The following ZBTB14 variants were observed in gnomAD, a reference collection of about 807,000 sequenced individuals.
ZBTB14 encodes the protein zinc finger and BTB domain containing 14, also known as zinc finger and BTB domain-containing protein 14.
Under a neutral mutation model 29.5 loss-of-function variants are expected in ZBTB14, and 8 were observed. That is an observed-to-expected ratio of 0.27 (90% CI 0.16 to 0.49). The LOEUF is 0.49. Ranked by LOEUF, ZBTB14 falls within the 20% of genes least tolerant of loss-of-function variation. ZBTB14 has a pLI of 0.99. For synonymous variants in ZBTB14, 226 were observed against 207.2 expected (o/e 1.09, Z -0.78); for missense variants, 333 against 563.8 (o/e 0.59, Z 4.15).
chr18:5,296,024 T>C (rs2071954990), upstream of ZBTB14: 1 of 150,968 alleles, frequency 6.6e-6, no homozygotes, highest in African/African-American at 2.4e-5. Context: ...ACAGAATGTC[T>C]AGCCGGCCGT....
rs980113509 is a variant in ZBTB14 at position 5,290,028 on chromosome 18, T to C, written c.*830A>G. The C allele has an allele frequency of 6.6e-6, 1 of 152,218 alleles. No individual in the cohort carries two copies. The highest frequency in any genetic ancestry group is 1.5e-5 in the Non-Finnish European group (1 of 68,046). 9.4% of individuals were successfully genotyped at this position (152,218 alleles called of 1,614,324 possible). A position where few individuals can be genotyped will look rare whatever the true frequency, so the allele number is the denominator to read the frequency against. On this transcript the variant is annotated 3_prime_UTR_variant, in exon 4 of 4. Coordinates refer to ENST00000651870, the MANE Select transcript of ZBTB14 (RefSeq NM_001243702.2). ...GATTTTAATCTAGGAAATCTTGGGA[T>C]TGTTACACATGTAAAAAACCTTATC...
At chr18:5,295,086 G>A (rs530216906) in intron 1 of ZBTB14, among the ~76,000 whole-genome samples, 1 of 151,236 alleles carries the variant, frequency 6.6e-6, no homozygotes, top group Non-Finnish European at 1.5e-5. Context: ...TCGAGCGCAG[G>A]CTTGGGACCG....
upstream of ZBTB14, among the ~76,000 whole-genome samples, chr18:5,296,753 C>T (rs1567911528): frequency 6.6e-6 from 1 of 151,770 alleles, no homozygotes. Flanking sequence ...CATAGGGCTT[C>T]GGAGCTAGTA....
At position 5,291,272 on chromosome 18, in the gene ZBTB14, T is replaced by C; in HGVS notation, c.936A>G (p.Lys312=). Residue 312 remains lysine (K), a synonymous_variant, in exon 4 of 4, where the codon AAA becomes AAG. Coordinates refer to ENST00000651870, the MANE Select transcript of ZBTB14 (RefSeq NM_001243702.2). The surrounding 1 kb of genome is among the most constrained non-coding windows in gnomAD (Gnocchi z 5.8). The stretch of plus-strand genomic sequence containing the variant: ...TCAGGTGGGCCTGTGTGGTGAAACC[T>C]TTTGTGCACATTTCACAAACAAATG... ...DRPFVCEMCT[K]GFTTQAHLKE... is the part of the protein sequence containing the mutation. 1.2e-6 allele frequency: 2 copies of C among 1,614,268 alleles called. No homozygotes were observed. The highest frequency in any genetic ancestry group is 1.7e-6 in the Non-Finnish European group (2 of 1,180,056).
In ZBTB14 at chr18:5,291,538, C is replaced by T; in HGVS notation, c.670G>A (p.Glu224Lys). 1 of 1,614,124 alleles carries T rather than the reference C, an allele frequency of 6.2e-7. No homozygotes were observed. The highest frequency in any genetic ancestry group is 2.2e-5 in the East Asian group (1 of 44,872). ...NCYGQEVESM[E>K]TPESKDLGSQ... is the part of the protein sequence containing the mutation. Reference sequence around the variant, plus strand: ...CCCAAGTCTTTTGATTCTGGGGTCTCCATGGATTCTACTTCCTGGCCGTAG... The same window carrying T: ...CCCAAGTCTTTTGATTCTGGGGTCTTCATGGATTCTACTTCCTGGCCGTAG... The change falls in exon 4 of 4, where the codon GAG (glutamate) becomes AAG (lysine). Residue 224 changes from glutamate to lysine, a missense_variant. Glu to Lys is a moderately conservative substitution (Grantham distance 56, BLOSUM62 1). Coordinates refer to ENST00000651870, the MANE Select transcript of ZBTB14 (RefSeq NM_001243702.2). This position sits in a 1 kb window ranked among gnomAD's most constrained non-coding sequence, Gnocchi z 5.8.
At position 5,290,731 on chromosome 18, in the gene ZBTB14, G is replaced by T; in HGVS notation, c.*127C>A. The T allele has an allele frequency of 7.1e-7, 1 of 1,408,398 alleles. No individual in the cohort carries two copies. The highest frequency in any genetic ancestry group is 9.6e-7 in the Non-Finnish European group (1 of 1,043,878). The allele number at this position is 1,408,398 out of a possible 1,614,324, so 87.2% of individuals were successfully genotyped here. A position where few individuals can be genotyped will look rare whatever the true frequency, so the allele number is the denominator to read the frequency against. Reference sequence around the variant, plus strand: ...TCTTAAAAATAGCTAACCAAGCACTGCCTTAAGTCCAGTGAGTACAATGTT... The same window carrying T: ...TCTTAAAAATAGCTAACCAAGCACTTCCTTAAGTCCAGTGAGTACAATGTT... On this transcript the variant is annotated 3_prime_UTR_variant, in exon 4 of 4. Transcript: ENST00000651870.
At chr18:5,293,702 G>C (rs914633132) in intron 2 of ZBTB14, 1 of 154,938 alleles carries the variant, frequency 6.5e-6, no homozygotes, top group Non-Finnish European at 1.4e-5. Context: ...TTTCCCGCTG[G>C]GTATGTTAGC....
intron 2 of ZBTB14, 137 bp from the exon 3 acceptor site, chr18:5,293,464 G>A (rs2071865603): frequency 7.1e-6 from 4 of 560,088 alleles, no homozygotes; most frequent in Admixed American, 3.1e-5. Context: ...GTGGCAGGTA[G>A]GTAGCTGGTA....
upstream of ZBTB14, chr18:5,296,282 G>A (rs2071964597): frequency 6.6e-6 from 1 of 150,710 alleles, no homozygotes; most frequent in Non-Finnish European, 1.5e-5. Flanking sequence ...GGGAGAAGGA[G>A]TGGGCGGGGC....
In ZBTB14 at chr18:5,291,679, T is replaced by A. The variant is rs1354981323; in HGVS notation, c.529A>T (p.Thr177Ser). The part of the protein sequence containing the change: ...GDQDDSPSDD[T>S]VEGTPPSQED... The stretch of plus-strand genomic sequence containing the variant: ...TGACTCGGGGGTGTGCCTTCTACTG[T>A]GTCATCAGAAGGACTGTCATCCTGA... Residue 177 changes from threonine to serine, a missense_variant, in exon 4 of 4, where the codon ACA becomes TCA. Coordinates refer to ENST00000651870, the MANE Select transcript of ZBTB14 (RefSeq NM_001243702.2). The surrounding 1 kb of genome is among the most constrained non-coding windows in gnomAD (Gnocchi z 5.8). The A allele has an allele frequency of 4.3e-6, 7 of 1,613,998 alleles. No individual in the cohort carries two copies.
At position 5,289,719 on chromosome 18, in the gene ZBTB14, T is replaced by C. The variant is rs1031670436; in HGVS notation, c.*1139A>G. 1 of 152,650 alleles carries C rather than the reference T, an allele frequency of 6.6e-6. No individual in the cohort carries two copies. The highest frequency in any genetic ancestry group is 6.5e-5 in the Admixed American group (1 of 15,294). The allele number at this position is 152,650 out of a possible 1,614,324, so 9.5% of individuals were successfully genotyped here. On this transcript the variant is annotated 3_prime_UTR_variant, in exon 4 of 4. Transcript: ENST00000651870. ...TATTTGTTAAAAACAGTCTGATGTT[T>C]GTTGCTGATGGAAGTTATTTTAATC...
At position 5,290,682 on chromosome 18, in the gene ZBTB14, G is replaced by A; in HGVS notation, c.*176C>T. ...ACAGTGAAACGGTTTGGTCAGAACT[G>A]AGGAACACCATTTCCTTGAAAAGTC... is the stretch of plus-strand genomic sequence containing the variant. On this transcript the variant is annotated 3_prime_UTR_variant, in exon 4 of 4. Transcript: ENST00000651870. The A allele has an allele frequency of 1.0e-6, 1 of 958,616 alleles. No individual in the cohort carries two copies. Among genetic ancestry groups the A allele is most frequent in the African/African-American group, 1.6e-5 (1 of 60,670 alleles). 59.4% of individuals were successfully genotyped at this position (958,616 alleles called of 1,614,324 possible).
intron 3 of ZBTB14, among the ~76,000 whole-genome samples, chr18:5,292,913 G>T (rs1426900725): frequency 6.6e-6 from 1 of 152,124 alleles, no homozygotes; most frequent in South Asian, 2.1e-4. Context: ...TGACATTTGG[G>T]AAGTGGCTTT....
intron 1 of ZBTB14, 150 bp downstream of exon 1, chr18:5,295,502 G>C (rs1253205554): frequency 6.9e-6 from 1 of 144,704 alleles, no homozygotes. Context: ...GAGCGGGGGC[G>C]GCCATGAACT....
chr18:5,294,739 C>T lies in ZBTB14; in HGVS notation c.-111-738G>A, dbSNP rs190669762. 540 of 152,432 alleles carry T rather than the reference C, an allele frequency of 3.5e-3. 4 individuals carry two copies. The highest frequency in any genetic ancestry group is 5.6e-3 in the South Asian group (27 of 4,824). The allele number at this position is 152,432 out of a possible 1,614,324, so 9.4% of individuals were successfully genotyped here. On this transcript the variant is annotated intron_variant, in intron 1 of 3. Transcript: ENST00000651870. ...CCCTTCCTAATTGCTCTCCAAACTG[C>T]GGGCGCGCTAAGCCGCGTTACAGTG...
At chr18:5,292,985 G>A (rs2071851488) in intron 3 of ZBTB14, among the ~76,000 whole-genome samples, 1 of 152,208 alleles carries the variant, frequency 6.6e-6, no homozygotes, top group African/African-American at 2.4e-5. Flanking sequence ...CCAGATGTAA[G>A]TACTTGATAA....
chr18:5,294,988 G>A (rs2071913093), intron 1 of ZBTB14, among the ~76,000 whole-genome samples: 1 of 152,082 alleles, frequency 6.6e-6, no homozygotes, highest in Admixed American at 6.5e-5. Flanking sequence ...GGGGAGTGGA[G>A]GAGGCCGTTT....
At position 5,290,867 on chromosome 18, in the gene ZBTB14, G is replaced by A; in HGVS notation, c.1341C>T (p.Ala447=). The stretch of plus-strand genomic sequence containing the variant: ...CCCTGTCCCACCGCCTCTAGCTACA[G>A]GCTATCGTCTCCAGCTGCTGTTCTG... ...AEAEQQLETI[A]CS Residue 447 remains alanine (A), a synonymous_variant, in exon 4 of 4, where the codon GCC becomes GCT. Coordinates refer to ENST00000651870, the MANE Select transcript of ZBTB14 (RefSeq NM_001243702.2). 1 of 1,613,916 alleles carries A rather than the reference G, an allele frequency of 6.2e-7. No homozygotes were observed. The highest frequency in any genetic ancestry group is 8.5e-7 in the Non-Finnish European group (1 of 1,179,828).
intron 3 of ZBTB14, among the ~76,000 whole-genome samples, chr18:5,292,934 G>A (rs868516135): frequency 6.6e-6 from 1 of 152,134 alleles, no homozygotes; most frequent in Admixed American, 6.5e-5. Context: ...GTTCTCTCTA[G>A]ATGCCAATCT....
Sources: gnomAD v4.1 joint callset for allele counts (sites outside exome capture counted in the v4.1 genomes callset) on GRCh38, gnomAD v4.1.1 for gene constraint, Gnocchi (gnomAD v3.1) non-coding constraint, MANE v1.5 for transcripts, NCBI Gene and HGNC (gene_info 2026-07-23, HGNC 2026-07-21) for gene names.